Variants in HTR7 observed in about 807,000 individuals in gnomAD.
HTR7 encodes 5-hydroxytryptamine receptor 7.
HTR7 carries 16 observed loss-of-function variants against 34.0 expected under a neutral mutation model. That is an observed-to-expected ratio of 0.47 (90% CI 0.32 to 0.71). HTR7 has a LOEUF of 0.71. Ranked by LOEUF, HTR7 falls within the 30% of genes least tolerant of loss-of-function variation. HTR7 has a pLI of 0.04. For missense variants in HTR7, 504 were observed against 625.5 expected, an observed-to-expected ratio of 0.81 and a Z score of 2.07; for synonymous variants, 265 against 260.2, an observed-to-expected ratio of 1.02 and a Z score of -0.18.
intron 1 of HTR7, among the ~76,000 whole-genome samples, chr10:90,780,596 T>A (rs979411692): frequency 1.3e-5 from 2 of 151,034 alleles, no homozygotes; most frequent in South Asian, 4.2e-4. Context: ...GGAAAGTGAT[T>A]CGTAAATAAA....
chr10:90,754,542 G>A (rs1442822920), intron 1 of HTR7, among the ~76,000 whole-genome samples: 3 of 152,210 alleles, frequency 2.0e-5, no homozygotes, highest in East Asian at 3.9e-4. Flanking sequence ...AAATGCATAC[G>A]AATGTTAAAG....
At chr10:90,782,242 A>G (rs1402022288) in intron 1 of HTR7, among the ~76,000 whole-genome samples, 1 of 152,230 alleles carries the variant, frequency 6.6e-6, no homozygotes, top group Non-Finnish European at 1.5e-5. Flanking sequence ...CAGCTTCCAG[A>G]GGCAACAACA....
Position 90,841,076 on chromosome 10 carries a change from G to A in HTR7, c.539+16057C>T, listed in dbSNP as rs564722494. Among the ~76,000 whole-genome samples the A allele has an allele frequency of 3.9e-5, 6 of 152,308 alleles. No homozygotes were observed. In the East Asian group the frequency reaches 9.6e-4, roughly 24 times the overall value. ...GACCATGAAACAGAAAAAGAGCCAT[G>A]GCTTCAAGTCCCAGACTGGTCACTT... On this transcript the variant is annotated intron_variant, in intron 1 of 3. Coordinates refer to ENST00000336152, the MANE Select transcript of HTR7 (RefSeq NM_019859.4).
intron 1 of HTR7, among the ~76,000 whole-genome samples, chr10:90,844,371 A>G (rs1846377179): frequency 6.6e-6 from 1 of 152,182 alleles, no homozygotes; most frequent in Non-Finnish European, 1.5e-5. Flanking sequence ...GGGGATTCCT[A>G]GGTGACTCTG....
intron 1 of HTR7, among the ~76,000 whole-genome samples, chr10:90,851,052 C>T (rs1015931704): frequency 1.8e-4 from 28 of 151,918 alleles, no homozygotes; most frequent in Admixed American, 1.6e-3. Flanking sequence ...AGTAAATAAA[C>T]GACAATAACA....
At chr10:90,762,293 A>C (rs1431970712) in intron 1 of HTR7, among the ~76,000 whole-genome samples, 1 of 151,924 alleles carries the variant, frequency 6.6e-6, no homozygotes, top group East Asian at 1.9e-4. Flanking sequence ...CCTCACGAAC[A>C]CTCGTTATTT....
intron 1 of HTR7, among the ~76,000 whole-genome samples, chr10:90,821,441 C>T (rs1410273285): frequency 6.6e-6 from 1 of 152,206 alleles, no homozygotes; most frequent in Non-Finnish European, 1.5e-5. Context: ...AGCATTTAAA[C>T]CAACCCTAGC....
chr10:90,807,815 A>C, intron 1 of HTR7, among the ~76,000 whole-genome samples: 1 of 112,678 alleles, frequency 8.9e-6, no homozygotes, highest in Non-Finnish European at 2.2e-5. Context: ...TGCTCCGTGA[A>C]AAAGATCCAC....
Position 90,857,814 on chromosome 10 carries a change from CTGTCT to C in HTR7, c.-148_-144del. 1 of 786,390 alleles carries C rather than the reference CTGTCT, an allele frequency of 1.3e-6. No homozygotes were observed. The highest frequency in any genetic ancestry group is 1.7e-6 in the Non-Finnish European group (1 of 575,606). The allele number at this position is 786,390 out of a possible 1,614,324, so 48.7% of individuals were successfully genotyped here. ...GCCGACCGCTGGGGGGCGCCTGGCTCTGTCTCGGAGCCCCGCACTCCCCGGACCCC... is the reference window on the plus strand; with the variant it reads ...GCCGACCGCTGGGGGGCGCCTGGCTCCGGAGCCCCGCACTCCCCGGACCCC... On this transcript the variant is annotated 5_prime_UTR_variant, in exon 1 of 4. Transcript: ENST00000336152. The surrounding 1 kb of genome is among the most constrained non-coding windows in gnomAD (Gnocchi z 6.5).
At chr10:90,821,679 T>C (rs1413629279) in intron 1 of HTR7, among the ~76,000 whole-genome samples, 1 of 152,134 alleles carries the variant, frequency 6.6e-6, no homozygotes, top group Admixed American at 6.5e-5. Context: ...ATTGACGTGG[T>C]TTGATGTTAG....
chr10:90,805,721 A>G (rs1332004288), intron 1 of HTR7, among the ~76,000 whole-genome samples: 2 of 152,218 alleles, frequency 1.3e-5, no homozygotes, highest in Admixed American at 6.5e-5. Context: ...TAACTCTGTA[A>G]GATCTGCTTC....
intron 1 of HTR7, among the ~76,000 whole-genome samples, chr10:90,820,048 T>C (rs920966893): frequency 6.6e-6 from 1 of 152,178 alleles, no homozygotes; most frequent in Non-Finnish European, 1.5e-5. Context: ...GAAAATCTAT[T>C]TAAAAAAAGA....
chr10:90,813,604 A>C (rs1845853778), intron 1 of HTR7, among the ~76,000 whole-genome samples: 2 of 152,116 alleles, frequency 1.3e-5, no homozygotes, highest in African/African-American at 2.4e-5. Flanking sequence ...AAGCAGCCCC[A>C]AAATCATTTC....
chr10:90,856,955 C>T (rs1846589754), intron 1 of HTR7, among the ~76,000 whole-genome samples, 178 bp downstream of exon 1: 1 of 152,192 alleles, frequency 6.6e-6, no homozygotes, highest in South Asian at 2.1e-4. Flanking sequence ...TGTACATAGG[C>T]TATGCCGTAA....
chr10:90,854,132 G>A (rs1045442485), intron 1 of HTR7, among the ~76,000 whole-genome samples: 7 of 152,234 alleles, frequency 4.6e-5, no homozygotes, highest in African/African-American at 1.2e-4. Context: ...TTGGGAGGCC[G>A]AGGTGGGCGG....
intron 1 of HTR7, among the ~76,000 whole-genome samples, chr10:90,807,733 C>T (rs1845726324): frequency 6.6e-6 from 1 of 152,200 alleles, no homozygotes; most frequent in South Asian, 2.1e-4. Context: ...CACGGACGCG[C>T]ATGAAATTTG....
chr10:90,748,921 T>C lies in HTR7; in HGVS notation c.1213A>G (p.Asn405Asp). The C allele has an allele frequency of 6.2e-7, 1 of 1,614,190 alleles. No individual in the cohort carries two copies. ...YRSLLQCQYR[N>D]INRKLSAAGM... ...GCAGCTGAGAGCTTCCGGTTGATAT[T>C]CCGGTACTGGCACTGGAGCAGGCTG... The change falls in exon 2 of 4, where the codon AAT becomes GAT. Residue 405 changes from asparagine (N) to aspartate (D), a missense_variant. Asn to Asp is a conservative substitution (Grantham distance 23). Coordinates refer to ENST00000336152, the MANE Select transcript of HTR7 (RefSeq NM_019859.4).
chr10:90,778,422 T>G (rs1845253294), intron 1 of HTR7, among the ~76,000 whole-genome samples: 1 of 152,140 alleles, frequency 6.6e-6, no homozygotes, highest in Non-Finnish European at 1.5e-5. Context: ...CACCGAGTGA[T>G]GCTCTGCACC....
intron 1 of HTR7, among the ~76,000 whole-genome samples, chr10:90,843,837 C>G (rs953402149): frequency 6.6e-6 from 1 of 151,996 alleles, no homozygotes; most frequent in Admixed American, 6.5e-5. Context: ...TTGTATGGCC[C>G]CCAGCTAAGA....
Sources: gnomAD v4.1 joint callset for allele counts (sites outside exome capture counted in the v4.1 genomes callset) on GRCh38, gnomAD v4.1.1 for gene constraint, Gnocchi (gnomAD v3.1) non-coding constraint, MANE v1.5 for transcripts, NCBI Gene and HGNC (gene_info 2026-07-23, HGNC 2026-07-21) for gene names.